The following CDH20 variants were observed in gnomAD, a reference collection of about 807,000 sequenced individuals.
CDH20 encodes cadherin-20.
In CDH20, 29 loss-of-function variants were observed where a neutral mutation model predicts 74.2. That is an observed-to-expected ratio of 0.39 (90% confidence interval 0.29 to 0.53). CDH20 has a LOEUF of 0.53. Among genes scored for constraint, CDH20 ranks in the 20% least tolerant of loss-of-function variants. The probability of loss-of-function intolerance (pLI) is 0.69; values close to 1 mark genes in which losing one functional copy is unlikely to be tolerated. For synonymous variants in CDH20, 469 were observed against 405.4 expected, an observed-to-expected ratio of 1.16 and a Z score of -1.88; for missense variants, 988 against 1,048.3, an observed-to-expected ratio of 0.94 and a Z score of 0.79.
chr18:61,442,581 A>G (rs893552568), intron 1 of CDH20, among the ~76,000 whole-genome samples: 2 of 152,142 alleles, frequency 1.3e-5, no homozygotes, highest in African/African-American at 4.8e-5. Flanking sequence ...AATACAATTA[A>G]GGCTTCAAAC....
chr18:61,541,421 A>AT (rs1568183607), intron 9 of CDH20, among the ~76,000 whole-genome samples: 1 of 152,174 alleles, frequency 6.6e-6, no homozygotes, highest in Admixed American at 6.6e-5. Flanking sequence ...TCCCCCCAAA[A>AT]TAAAGGGCTT....
chr18:61,344,017 A>T (rs572434728), intron 1 of CDH20, among the ~76,000 whole-genome samples: 1 of 152,272 alleles, frequency 6.6e-6, no homozygotes, highest in Non-Finnish European at 1.5e-5. Context: ...AAGGTATCAG[A>T]GGTCCTCCAA....
At chr18:61,362,061 G>A (rs191904880) in intron 1 of CDH20, among the ~76,000 whole-genome samples, 1 of 152,240 alleles carries the variant, frequency 6.6e-6, no homozygotes, top group Admixed American at 6.5e-5. Flanking sequence ...GGGTCACACA[G>A]CAAGTCTGAG....
chr18:61,520,315 C>CAAAAAAAAAA (rs58685164), intron 6 of CDH20, among the ~76,000 whole-genome samples: 7 of 122,032 alleles, frequency 5.7e-5, no homozygotes, highest in African/African-American at 1.3e-4. Flanking sequence ...GACTCCGTCT[C>CAAAAAAAAAA]AAAAAAAAAA....
At chr18:61,340,182 T>C (rs1469692258) in intron 1 of CDH20, among the ~76,000 whole-genome samples, 3 of 150,770 alleles carry the variant, frequency 2.0e-5, no homozygotes, top group African/African-American at 7.3e-5. Context: ...GAAAAACAGA[T>C]GCTTGTTAGG....
chr18:61,553,104 T>C (rs1315228054), intron 11 of CDH20, among the ~76,000 whole-genome samples: 1 of 152,170 alleles, frequency 6.6e-6, no homozygotes, highest in African/African-American at 2.4e-5. Flanking sequence ...CACATCTACA[T>C]TCAAAAAAAT....
intron 1 of CDH20, among the ~76,000 whole-genome samples, chr18:61,413,796 A>T (rs1405275793): frequency 6.6e-6 from 1 of 152,126 alleles, no homozygotes; most frequent in Admixed American, 6.5e-5. Flanking sequence ...ACTGGGGCCT[A>T]CTTAAAAATG....
At chr18:61,423,918 T>A (rs578078996) in intron 1 of CDH20, among the ~76,000 whole-genome samples, 44 of 152,334 alleles carry the variant, frequency 2.9e-4, no homozygotes, top group African/African-American at 1.0e-3. Context: ...AAGATTTTAA[T>A]CCTTTCTAAA....
chr18:61,433,802 T>C (rs1908734412), intron 1 of CDH20, among the ~76,000 whole-genome samples: 1 of 152,178 alleles, frequency 6.6e-6, no homozygotes, highest in African/African-American at 2.4e-5. Context: ...GTTTGTGTTG[T>C]TCAAGAGCAG....
chr18:61,397,371 C>A (rs1225358454), intron 1 of CDH20, among the ~76,000 whole-genome samples: 1 of 152,134 alleles, frequency 6.6e-6, no homozygotes, highest in Non-Finnish European at 1.5e-5. Flanking sequence ...CCTACCCACT[C>A]CTGAAGCAAC....
At chr18:61,479,024 T>C (rs148535769) in intron 1 of CDH20, among the ~76,000 whole-genome samples, 10 of 152,096 alleles carry the variant, frequency 6.6e-5, no homozygotes, top group African/African-American at 2.4e-4. Flanking sequence ...CACTGATATA[T>C]CCATTCTGCT....
chr18:61,396,281 T>C (rs1176671883), intron 1 of CDH20, among the ~76,000 whole-genome samples: 1 of 152,184 alleles, frequency 6.6e-6, no homozygotes, highest in Non-Finnish European at 1.5e-5. Context: ...CCATCCAAGT[T>C]AGAAGCCATA....
intron 4 of CDH20, among the ~76,000 whole-genome samples, chr18:61,502,444 C>T (rs568176692): frequency 2.2e-4 from 34 of 152,102 alleles, no homozygotes; most frequent in Admixed American, 9.8e-4. Context: ...GAATTCCAAC[C>T]CTGCTTACAG....
At chr18:61,478,284 A>T (rs891510748) in intron 1 of CDH20, among the ~76,000 whole-genome samples, 4 of 151,850 alleles carry the variant, frequency 2.6e-5, no homozygotes, top group African/African-American at 9.7e-5. Context: ...TTGTCATTTG[A>T]TCACTCTTTT....
intron 1 of CDH20, among the ~76,000 whole-genome samples, chr18:61,469,066 G>A (rs1215925209): frequency 1.3e-5 from 2 of 152,044 alleles, no homozygotes; most frequent in African/African-American, 4.8e-5. Flanking sequence ...AATTGTTTAT[G>A]ACATTCACAA....
In CDH20 at chr18:61,353,201, G is replaced by C. The variant is rs545263161; in HGVS notation, c.-153+19374G>C. Among the ~76,000 whole-genome samples the C allele has an allele frequency of 6.6e-5, 10 of 152,300 alleles. No homozygotes were observed. On this transcript the variant is annotated intron_variant, in intron 1 of 11. Coordinates refer to ENST00000262717, the MANE Select transcript of CDH20 (RefSeq NM_031891.4). The surrounding 1 kb of genome is among the most constrained non-coding windows in gnomAD (Gnocchi z 4.6). ...TTAATTGTCTACATAACAAAGCTCA[G>C]AGTTTTTAGCGTGGCATTAGTTTCT...
intron 8 of CDH20, among the ~76,000 whole-genome samples, chr18:61,538,461 AACTTCTCATGTCCGGCC>A (rs1372231776): frequency 6.6e-6 from 1 of 151,856 alleles, no homozygotes; most frequent in Admixed American, 6.6e-5. Flanking sequence ...ATTCTGTCCA[AACTTCTCATGTCCGGCC>A]ACACTCTTAG....
chr18:61,419,290 C>G (rs1912797843), intron 1 of CDH20, among the ~76,000 whole-genome samples: 1 of 152,152 alleles, frequency 6.6e-6, no homozygotes, highest in Admixed American at 6.5e-5. Context: ...TGGTCTTAAA[C>G]TCTTGGCCTC....
At chr18:61,396,788 A>G (rs1181365707) in intron 1 of CDH20, among the ~76,000 whole-genome samples, 1 of 152,172 alleles carries the variant, frequency 6.6e-6, no homozygotes, top group Non-Finnish European at 1.5e-5. Flanking sequence ...GCAGGCAGTT[A>G]ATCCCCAGCA....
Sources: gnomAD v4.1 joint callset for allele counts (sites outside exome capture counted in the v4.1 genomes callset) on GRCh38, gnomAD v4.1.1 for gene constraint, Gnocchi (gnomAD v3.1) non-coding constraint, MANE v1.5 for transcripts, NCBI Gene and HGNC (gene_info 2026-07-23, HGNC 2026-07-21) for gene names.